The following FHIT variants were observed in gnomAD, a reference collection of about 807,000 sequenced individuals.
FHIT encodes the protein bis(5'-adenosyl)-triphosphatase.
In FHIT, 19 loss-of-function variants were observed where a neutral mutation model predicts 17.9. The ratio of observed to expected loss-of-function variants is 1.06; its 90% CI spans 0.74 to 1.56. The LOEUF (loss-of-function observed/expected upper bound fraction) is 1.56. Among genes scored for constraint, FHIT ranks in the 40% most tolerant of loss-of-function variants. The pLI, the probability that FHIT is intolerant of heterozygous loss-of-function variation, is 0.00. For missense variants in FHIT, 248 were observed against 189.2 expected (o/e 1.31, Z -1.82); for synonymous variants, 81 against 69.7 (o/e 1.16, Z -0.81).
intron 7 of FHIT, among the ~76,000 whole-genome samples, chr3:59,949,698 G>T (rs925896104): frequency 2.6e-5 from 4 of 152,182 alleles, no homozygotes; most frequent in Non-Finnish European, 5.9e-5. Context: ...CCAACCTGGG[G>T]CTCACATTTG....
chr3:60,469,451 T>C (rs188265012), intron 5 of FHIT, among the ~76,000 whole-genome samples: 9 of 152,332 alleles, frequency 5.9e-5, no homozygotes, highest in Admixed American at 3.9e-4. Context: ...TCTGATGCAT[T>C]CTTCAGTAGG....
chr3:60,514,789 G>C (rs1231363688), intron 5 of FHIT, among the ~76,000 whole-genome samples: 5 of 152,006 alleles, frequency 3.3e-5, no homozygotes, highest in African/African-American at 1.2e-4. Flanking sequence ...AATCTTTCCA[G>C]ATCCATCAGG....
intron 7 of FHIT, among the ~76,000 whole-genome samples, chr3:59,935,796 A>C (rs1166935373): frequency 6.6e-6 from 1 of 152,068 alleles, no homozygotes; most frequent in East Asian, 1.9e-4. Flanking sequence ...GTTAAAAAAT[A>C]GACAACTACA....
chr3:61,208,431 A>C (rs531758674), intron 1 of FHIT, among the ~76,000 whole-genome samples: 105 of 152,028 alleles, frequency 6.9e-4, no homozygotes, highest in Middle Eastern at 3.4e-3. Flanking sequence ...GTCTCCCATT[A>C]TTATTGTGTG....
chr3:60,778,747 G>A (rs1553725071), intron 4 of FHIT, among the ~76,000 whole-genome samples: 1 of 152,140 alleles, frequency 6.6e-6, no homozygotes, highest in Non-Finnish European at 1.5e-5. Context: ...TTCTTTTGCA[G>A]CAGGACACAT....
At position 60,113,327 on chromosome 3, in the gene FHIT, T is replaced by C. The variant is rs77799841; in HGVS notation, c.104-99175A>G. On this transcript the variant is annotated intron_variant, in intron 5 of 9. Coordinates refer to ENST00000492590, the MANE Select transcript of FHIT (RefSeq NM_002012.4). The stretch of plus-strand genomic sequence containing the variant: ...TAATGCATAAATGAATAGGCTATAA[T>C]CCATGTACTACAGAAACCTTACCAA... 1.9e-4 allele frequency among the ~76,000 whole-genome samples: 29 copies of C among 152,202 alleles called. No homozygotes were observed. The East Asian group carries it at 4.4e-3, about 23-fold the overall frequency.
chr3:60,009,165 ATGTGTGTGTGTGTGTGTGTGTG>A lies in FHIT; in HGVS notation c.279+2184_279+2205del, dbSNP rs753809976. The stretch of plus-strand genomic sequence containing the variant: ...AACCTTCATTGTTCTCTGGGATTTT[ATGTGTGTGTGTGTGTGTGTGTG>A]TGTGTGTGTGTGTGTGTGTGTGTGT... On this transcript the variant is annotated intron_variant, in intron 7 of 9. Coordinates refer to ENST00000492590, the MANE Select transcript of FHIT (RefSeq NM_002012.4). Among the ~76,000 whole-genome samples, 74 of 54,136 alleles carry A rather than the reference ATGTGTGTGTGTGTGTGTGTGTG, an allele frequency of 1.4e-3. 1 individual carries two copies. The highest frequency in any genetic ancestry group is 4.5e-3 in the Admixed American group (22 of 4,916). 35.5% of individuals were successfully genotyped at this position (54,136 alleles called of 152,430 possible). A position where few individuals can be genotyped will look rare whatever the true frequency, so the allele number is the denominator to read the frequency against.
chr3:60,312,764 G>A (rs1436609275), intron 5 of FHIT, among the ~76,000 whole-genome samples: 1 of 152,084 alleles, frequency 6.6e-6, no homozygotes, highest in African/African-American at 2.4e-5. Flanking sequence ...TAGGTACTAT[G>A]TATATACATA....
intron 4 of FHIT, among the ~76,000 whole-genome samples, chr3:60,620,982 A>T (rs1035729763): frequency 2.4e-4 from 36 of 152,142 alleles, no homozygotes; most frequent in African/African-American, 8.7e-4. Context: ...TTGATTTCTT[A>T]AAACCAAATA....
At chr3:60,644,901 G>A (rs78244924) in intron 4 of FHIT, among the ~76,000 whole-genome samples, 2,765 of 152,212 alleles carry the variant, frequency 0.018, 91 homozygotes, top group African/African-American at 0.062. Flanking sequence ...GAGACAGAAG[G>A]GCTCCTCCTT....
intron 5 of FHIT, among the ~76,000 whole-genome samples, chr3:60,165,693 T>C (rs1259366062): frequency 6.6e-6 from 1 of 152,120 alleles, no homozygotes; most frequent in Admixed American, 6.5e-5. Flanking sequence ...CTGCCTCTTC[T>C]CCTCTCCTTA....
intron 7 of FHIT, among the ~76,000 whole-genome samples, chr3:59,945,712 A>G (rs1706768376): frequency 6.6e-6 from 1 of 152,112 alleles, no homozygotes; most frequent in African/African-American, 2.4e-5. Context: ...TTATTTTTGC[A>G]TACATTAAAA....
At chr3:60,764,409 G>C (rs951036203) in intron 4 of FHIT, among the ~76,000 whole-genome samples, 2 of 152,150 alleles carry the variant, frequency 1.3e-5, no homozygotes, top group Non-Finnish European at 2.9e-5. Context: ...CTCAGCTGTA[G>C]GTGGATGGGT....
chr3:60,467,024 A>G (rs1448630566), intron 5 of FHIT, among the ~76,000 whole-genome samples: 1 of 151,808 alleles, frequency 6.6e-6, no homozygotes, highest in East Asian at 1.9e-4. Context: ...TTGCTGAGCG[A>G]CTTCATTATG....
chr3:60,172,774 G>C (rs1701477605), intron 5 of FHIT, among the ~76,000 whole-genome samples: 1 of 152,064 alleles, frequency 6.6e-6, no homozygotes, highest in Non-Finnish European at 1.5e-5. Flanking sequence ...CCTCCAAGCA[G>C]GACTGTCCAG....
Position 60,969,676 on chromosome 3 carries a change from C to G in FHIT, c.-111+72371G>C, listed in dbSNP as rs1044874138. Among the ~76,000 whole-genome samples the G allele has an allele frequency of 3.3e-5, 5 of 152,274 alleles. No individual in the cohort carries two copies. In the Middle Eastern group the frequency reaches 0.01, roughly 313 times the overall value. On this transcript the variant is annotated intron_variant, in intron 3 of 9. Coordinates refer to ENST00000492590, the MANE Select transcript of FHIT (RefSeq NM_002012.4). ...ATTACTGATTTCCACCTTAATACTA[C>G]TGTGAACAGAAGATAAACTCTATGG...
Position 60,211,068 on chromosome 3 carries a change from TAA to T in FHIT, c.104-196918_104-196917del, listed in dbSNP as rs10663373. Among the ~76,000 whole-genome samples, 647 of 84,410 alleles carry T rather than the reference TAA, an allele frequency of 7.7e-3. 2 individuals carry two copies. Among genetic ancestry groups the T allele is most frequent in the Middle Eastern group, 0.048 (6 of 126 alleles). The allele number at this position is 84,410 out of a possible 152,430, so 55.4% of individuals were successfully genotyped here. On this transcript the variant is annotated intron_variant, in intron 5 of 9. Coordinates refer to ENST00000492590, the MANE Select transcript of FHIT (RefSeq NM_002012.4). ...CCCATGATGGAGTACTATAAAACCG[TAA>T]AAAAAAAAAAAAAAAAAGAAGAGGA...
intron 7 of FHIT, among the ~76,000 whole-genome samples, chr3:59,944,610 A>G (rs781728411): frequency 6.6e-6 from 1 of 151,792 alleles, no homozygotes; most frequent in Non-Finnish European, 1.5e-5. Flanking sequence ...TCGTATAAAT[A>G]TTTTTTCATC....
chr3:61,071,132 A>C (rs1419179925), intron 2 of FHIT, among the ~76,000 whole-genome samples: 1 of 152,200 alleles, frequency 6.6e-6, no homozygotes, highest in African/African-American at 2.4e-5. Context: ...TGAACTCAGC[A>C]ATCCCCTTGA....
Sources: allele counts gnomAD v4.1 joint callset (sites outside exome capture counted in the v4.1 genomes callset), GRCh38; gene constraint gnomAD v4.1.1; transcripts MANE v1.5; gene names NCBI Gene and HGNC (gene_info 2026-07-23, HGNC 2026-07-21).